DENND1A: variants seen among roughly 807,000 people sequenced by gnomAD.
The protein encoded by DENND1A is DENN domain-containing protein 1A.
Under a neutral mutation model 113.7 loss-of-function variants are expected in DENND1A, and 51 were observed. The ratio of observed to expected loss-of-function variants is 0.45; its 90% CI spans 0.36 to 0.57. The LOEUF (loss-of-function observed/expected upper bound fraction) is 0.57. Among genes scored for constraint, DENND1A ranks in the 20% least tolerant of loss-of-function variants. The pLI is 0.00. For missense variants in DENND1A, 1,258 were observed against 1,395.9 expected, an observed-to-expected ratio of 0.90 and a Z score of 1.57; for synonymous variants, 565 against 570.8, an observed-to-expected ratio of 0.99 and a Z score of 0.14.
chr9:123,704,618 C>G (rs1464763610), intron 5 of DENND1A, among the ~76,000 whole-genome samples: 1 of 152,032 alleles, frequency 6.6e-6, no homozygotes, highest in Non-Finnish European at 1.5e-5. Flanking sequence ...GAGCCAAGCC[C>G]CACTCCCCCA....
chr9:123,900,571 T>C (rs1300048235), intron 1 of DENND1A, among the ~76,000 whole-genome samples: 1 of 152,092 alleles, frequency 6.6e-6, no homozygotes, highest in African/African-American at 2.4e-5. Context: ...TCTACACGTG[T>C]GATTAAGGTG....
At chr9:123,920,155 G>C (rs1855951849) in intron 1 of DENND1A, among the ~76,000 whole-genome samples, 1 of 152,198 alleles carries the variant, frequency 6.6e-6, no homozygotes, top group Admixed American at 6.5e-5. Context: ...TTAAGGCCGG[G>C]CATGGTGGCT....
chr9:123,825,656 G>T (rs1283877010), intron 2 of DENND1A, among the ~76,000 whole-genome samples: 2 of 152,214 alleles, frequency 1.3e-5, no homozygotes, highest in African/African-American at 4.8e-5. Context: ...GGGAGAAAAT[G>T]CATATCTTAA....
intron 3 of DENND1A, among the ~76,000 whole-genome samples, chr9:123,775,008 A>C (rs954615433): frequency 6.6e-6 from 1 of 152,200 alleles, no homozygotes; most frequent in African/African-American, 2.4e-5. Context: ...CTTTTTAACA[A>C]AATTAACTTT....
Position 123,381,369 on chromosome 9 carries a change from T to C in DENND1A, c.*63A>G. On this transcript the variant is annotated 3_prime_UTR_variant, in exon 24 of 24. Coordinates refer to ENST00000394215, the MANE Select transcript of DENND1A (RefSeq NM_001352964.2). This position sits in a 1 kb window ranked among gnomAD's most constrained non-coding sequence, Gnocchi z 4.7. The stretch of plus-strand genomic sequence containing the variant: ...GCAGAGAGAGAGTGGCGGGGGAGCC[T>C]CGGAACCGCAGCAGTGGACGGACCC... 2 of 1,450,876 alleles carry C rather than the reference T, an allele frequency of 1.4e-6. No individual in the cohort carries two copies. Among genetic ancestry groups the C allele is most frequent in the Non-Finnish European group, 9.3e-7 (1 of 1,078,020 alleles). 89.9% of individuals were successfully genotyped at this position (1,450,876 alleles called of 1,614,324 possible).
At chr9:123,805,756 T>C (rs1835440849) in intron 2 of DENND1A, among the ~76,000 whole-genome samples, 1 of 152,124 alleles carries the variant, frequency 6.6e-6, no homozygotes, top group Admixed American at 6.6e-5. Flanking sequence ...AATAATTTTG[T>C]GCATTAAACA....
intron 19 of DENND1A, among the ~76,000 whole-genome samples, chr9:123,435,298 T>C (rs1344023422): frequency 6.6e-6 from 1 of 152,142 alleles, no homozygotes; most frequent in Non-Finnish European, 1.5e-5. Flanking sequence ...TTCTCCAGCC[T>C]AGCATGGGAT....
chr9:123,900,599 T>C (rs1173407629), intron 1 of DENND1A, among the ~76,000 whole-genome samples: 1 of 152,190 alleles, frequency 6.6e-6, no homozygotes, highest in East Asian at 1.9e-4. Context: ...AGGGGTGCTA[T>C]CAATGAGGCT....
intron 1 of DENND1A, among the ~76,000 whole-genome samples, chr9:123,929,680 C>A (rs1193080591): frequency 6.6e-6 from 1 of 151,890 alleles, no homozygotes; most frequent in Non-Finnish European, 1.5e-5. Context: ...GGACACCTGA[C>A]CCCCGGCGCC....
intron 5 of DENND1A, among the ~76,000 whole-genome samples, chr9:123,711,018 T>A (rs1049477070): frequency 5.3e-5 from 8 of 152,088 alleles, no homozygotes; most frequent in Non-Finnish European, 1.2e-4. Context: ...CTTGGATGAG[T>A]AATGTATATT....
At chr9:123,630,204 CTTTTTTTTTTT>C (rs11324537) in intron 10 of DENND1A, among the ~76,000 whole-genome samples, 161 bp downstream of exon 10, 1 of 94,096 alleles carries the variant, frequency 1.1e-5, no homozygotes, top group Non-Finnish European at 1.9e-5. Context: ...CCATGACTGG[CTTTTTTTTTTT>C]TTTTTTTTTT....
intron 13 of DENND1A, among the ~76,000 whole-genome samples, chr9:123,506,993 C>T (rs2053009934): frequency 6.6e-6 from 1 of 152,134 alleles, no homozygotes; most frequent in Non-Finnish European, 1.5e-5. Flanking sequence ...TGAGACCAGC[C>T]TGGCCAACAT....
intron 11 of DENND1A, among the ~76,000 whole-genome samples, chr9:123,609,147 T>C (rs1203681257): frequency 2.0e-5 from 3 of 152,226 alleles, no homozygotes; most frequent in African/African-American, 4.8e-5. Context: ...AAGCAAATCA[T>C]TTCCCTTCCC....
Position 123,382,644 on chromosome 9 carries a change from G to C in DENND1A, c.2020-19C>G. ...CCAGCCTCTGTTGGGAGGGAAGGAG[G>C]GCGGCAGTGACCACGGGCTGAGTTG... is the stretch of plus-strand genomic sequence containing the variant. On this transcript the variant is annotated intron_variant, in intron 23 of 23. Coordinates refer to ENST00000394215, the MANE Select transcript of DENND1A (RefSeq NM_001352964.2). 1.1e-5 allele frequency: 17 copies of C among 1,613,402 alleles called. No homozygotes were observed. Among genetic ancestry groups the C allele is most frequent in the Non-Finnish European group, 1.4e-5 (16 of 1,179,646 alleles).
At chr9:123,391,761 GAAAAA>G (rs5900572) in intron 21 of DENND1A, among the ~76,000 whole-genome samples, 1 of 110,402 alleles carries the variant, frequency 9.1e-6, no homozygotes, top group Non-Finnish European at 1.8e-5. Flanking sequence ...GGCAGAATAT[GAAAAA>G]AAAAAAAAAA....
chr9:123,690,223 T>C (rs1413942224), intron 5 of DENND1A, among the ~76,000 whole-genome samples: 2 of 152,024 alleles, frequency 1.3e-5, no homozygotes, highest in African/African-American at 4.8e-5. Flanking sequence ...TATATGCTCC[T>C]AGAAAGACCA....
At chr9:123,548,875 C>G (rs2056872509) in intron 13 of DENND1A, among the ~76,000 whole-genome samples, 1 of 151,958 alleles carries the variant, frequency 6.6e-6, no homozygotes, top group African/African-American at 2.4e-5. Flanking sequence ...TTCATAGAGA[C>G]AGAAAGTAGA....
intron 2 of DENND1A, among the ~76,000 whole-genome samples, chr9:123,868,266 G>A (rs2133380542): frequency 6.6e-6 from 1 of 152,314 alleles, no homozygotes; most frequent in African/African-American, 2.4e-5. Flanking sequence ...GCTTTTCTGT[G>A]ATTAAAGAAC....
intron 13 of DENND1A, among the ~76,000 whole-genome samples, chr9:123,526,286 T>C (rs2054836610): frequency 6.6e-6 from 1 of 152,162 alleles, no homozygotes; most frequent in Non-Finnish European, 1.5e-5. Context: ...CCTTTCCCAT[T>C]GATACTCAAG....
Sources: gnomAD v4.1 joint callset for allele counts (sites outside exome capture counted in the v4.1 genomes callset) on GRCh38, gnomAD v4.1.1 for gene constraint, Gnocchi (gnomAD v3.1) non-coding constraint, MANE v1.5 for transcripts, NCBI Gene and HGNC (gene_info 2026-07-23, HGNC 2026-07-21) for gene names.